The following SLC35F4 variants were observed in gnomAD, a reference collection of about 807,000 sequenced individuals.
The protein encoded by SLC35F4 is solute carrier family 35 member F4.
A neutral mutation model predicts 44.2 loss-of-function variants in SLC35F4; 24 were observed. That is an observed-to-expected ratio of 0.54 (90% confidence interval 0.39 to 0.76). The LOEUF (loss-of-function observed/expected upper bound fraction) is 0.76, where lower values mean the gene tolerates loss of function less well. SLC35F4 is among the 30% of genes least tolerant of loss of function. SLC35F4 has a pLI of 0.00. For missense variants in SLC35F4, 562 were observed against 586.1 expected, an observed-to-expected ratio of 0.96 and a Z score of 0.42; for synonymous variants, 238 against 223.6, an observed-to-expected ratio of 1.06 and a Z score of -0.57.
chr14:57,613,176 T>C (rs1242551314), intron 1 of SLC35F4, among the ~76,000 whole-genome samples: 1 of 152,194 alleles, frequency 6.6e-6, no homozygotes, highest in Non-Finnish European at 1.5e-5. Flanking sequence ...GTTTCCTCCT[T>C]CTGGATGGAG....
intron 7 of SLC35F4, among the ~76,000 whole-genome samples, chr14:57,564,867 A>G (rs2068126473): frequency 6.6e-6 from 1 of 152,206 alleles, no homozygotes; most frequent in Non-Finnish European, 1.5e-5. Flanking sequence ...TCACTTCAAA[A>G]TAAAAGCCCA....
intron 1 of SLC35F4, among the ~76,000 whole-genome samples, chr14:57,881,524 G>T (rs1340557537): frequency 6.6e-6 from 1 of 152,082 alleles, no homozygotes; most frequent in African/African-American, 2.4e-5. Flanking sequence ...TAAAATCTGG[G>T]CTCCATTTTT....
chr14:57,792,842 G>A (rs2077960665), intron 1 of SLC35F4, among the ~76,000 whole-genome samples: 1 of 147,884 alleles, frequency 6.8e-6, no homozygotes, highest in Non-Finnish European at 1.5e-5. Context: ...GCTTGGTGAT[G>A]GGTGTACCGA....
chr14:57,668,316 C>T (rs2074390409), intron 1 of SLC35F4, among the ~76,000 whole-genome samples: 1 of 151,274 alleles, frequency 6.6e-6, no homozygotes, highest in Admixed American at 6.6e-5. Flanking sequence ...TTTTGCTGTG[C>T]AGAAGCTCTT....
intron 1 of SLC35F4, among the ~76,000 whole-genome samples, chr14:57,614,519 T>C (rs900223389): frequency 1.3e-5 from 2 of 152,194 alleles, no homozygotes; most frequent in Non-Finnish European, 2.9e-5. Flanking sequence ...AGTTGTTATT[T>C]CCCAAAGAAT....
chr14:57,961,364 A>C (rs1472305073), intron 1 of SLC35F4, among the ~76,000 whole-genome samples: 1 of 152,188 alleles, frequency 6.6e-6, no homozygotes, highest in Non-Finnish European at 1.5e-5. Context: ...AGCTGAGGAC[A>C]GAGCAGCGCC....
chr14:57,882,353 C>A (rs1888553852), intron 1 of SLC35F4, among the ~76,000 whole-genome samples: 1 of 152,188 alleles, frequency 6.6e-6, no homozygotes, highest in African/African-American at 2.4e-5. Flanking sequence ...CACCCACCTC[C>A]CACCACCTAT....
intron 1 of SLC35F4, among the ~76,000 whole-genome samples, chr14:57,788,509 G>A (rs1295854352): frequency 6.6e-6 from 1 of 152,162 alleles, no homozygotes; most frequent in Non-Finnish European, 1.5e-5. Flanking sequence ...TAGACCATAT[G>A]ATAGGCCATA....
At chr14:57,765,970 T>C (rs1187575981) in intron 1 of SLC35F4, among the ~76,000 whole-genome samples, 2 of 152,180 alleles carry the variant, frequency 1.3e-5, no homozygotes, top group African/African-American at 4.8e-5. Context: ...AGGAGAGGTA[T>C]CAGTAAGAGG....
intron 1 of SLC35F4, among the ~76,000 whole-genome samples, chr14:57,700,125 C>G (rs996132584): frequency 1.3e-5 from 2 of 152,168 alleles, no homozygotes; most frequent in African/African-American, 4.8e-5. Context: ...ATTGTGTCAA[C>G]ATCGTAGAGT....
chr14:57,704,852 T>A (rs1333879729), intron 1 of SLC35F4, among the ~76,000 whole-genome samples: 1 of 152,150 alleles, frequency 6.6e-6, no homozygotes, highest in Non-Finnish European at 1.5e-5. Flanking sequence ...TTCCTAGCAA[T>A]ACTCAGGCAG....
chr14:57,830,276 G>A (rs1328016941), intron 1 of SLC35F4, among the ~76,000 whole-genome samples: 9 of 152,112 alleles, frequency 5.9e-5, no homozygotes, highest in South Asian at 4.1e-4. Context: ...CCTTGGTTTC[G>A]TGATCTGTAA....
chr14:57,861,736 C>T (rs1384778470), intron 1 of SLC35F4, among the ~76,000 whole-genome samples: 1 of 152,180 alleles, frequency 6.6e-6, no homozygotes, highest in Non-Finnish European at 1.5e-5. Flanking sequence ...CCCCTTCAAA[C>T]TCTTTATTTA....
At chr14:57,664,495 G>A (rs1030209298) in intron 1 of SLC35F4, among the ~76,000 whole-genome samples, 1 of 151,982 alleles carries the variant, frequency 6.6e-6, no homozygotes, top group African/African-American at 2.4e-5. Flanking sequence ...TGCAACCTCC[G>A]CCTTCCACGT....
chr14:57,901,591 A>T (rs186688243), intron 1 of SLC35F4, among the ~76,000 whole-genome samples: 80 of 152,194 alleles, frequency 5.3e-4, no homozygotes, highest in Middle Eastern at 3.4e-3. Flanking sequence ...TAATACCTGG[A>T]TGATCTGTGC....
At chr14:57,938,879 G>T (rs1405174425) in intron 1 of SLC35F4, among the ~76,000 whole-genome samples, 3 of 152,184 alleles carry the variant, frequency 2.0e-5, no homozygotes, top group Non-Finnish European at 4.4e-5. Context: ...GATATATTCA[G>T]CTTCTGACAT....
At chr14:57,678,437 G>A (rs1032639731) in intron 1 of SLC35F4, among the ~76,000 whole-genome samples, 16 of 151,938 alleles carry the variant, frequency 1.1e-4, no homozygotes, top group African/African-American at 2.2e-4. Context: ...AAAGATCATC[G>A]ATCCTATGAA....
intron 1 of SLC35F4, among the ~76,000 whole-genome samples, chr14:57,904,289 C>A (rs1889067433): frequency 6.6e-6 from 1 of 152,204 alleles, no homozygotes. Flanking sequence ...ACCAAAACAA[C>A]CATAACCCTC....
intron 1 of SLC35F4, chr14:57,629,784 A>G: frequency 3.3e-6 from 1 of 305,166 alleles, no homozygotes; most frequent in South Asian, 3.1e-5. Context: ...CAGGAACATG[A>G]ATGAGAAATT....
Sources: allele counts gnomAD v4.1 joint callset (sites outside exome capture counted in the v4.1 genomes callset), GRCh38; gene constraint gnomAD v4.1.1; transcripts MANE v1.5; gene names NCBI Gene and HGNC (gene_info 2026-07-23, HGNC 2026-07-21).